The following AK5 variants were observed in gnomAD, a reference collection of about 807,000 sequenced individuals.
AK5 encodes adenylate kinase 5.
AK5 carries 27 observed loss-of-function variants against 69.5 expected under a neutral mutation model. The ratio of observed to expected loss-of-function variants is 0.39; its 90% CI spans 0.29 to 0.54. The LOEUF (loss-of-function observed/expected upper bound fraction) is 0.54. AK5 is among the 20% of genes least tolerant of loss of function. The pLI, the probability that AK5 is intolerant of heterozygous loss-of-function variation, is 0.71. For missense variants in AK5, 531 were observed against 700.4 expected (o/e 0.76, Z 2.73); for synonymous variants, 260 against 244.4 (o/e 1.06, Z -0.60).
At position 77,283,018 on chromosome 1, in the gene AK5, T is replaced by A. The variant is rs185400025; in HGVS notation, c.60+645T>A. 2.2e-4 allele frequency: 213 copies of A among 985,610 alleles called. No homozygotes were observed. In the African/African-American group the frequency reaches 3.2e-3, roughly 15 times the overall value. 61.1% of individuals were successfully genotyped at this position (985,610 alleles called of 1,614,324 possible). On this transcript the variant is annotated intron_variant, in intron 1 of 13. Coordinates refer to ENST00000354567, the MANE Select transcript of AK5 (RefSeq NM_174858.3). ...AGGGTTGGGCCGCAGGTTTCGCCAG[T>A]GCTCGACAACCCACCTGGAGATAGC...
intron 6 of AK5, among the ~76,000 whole-genome samples, chr1:77,375,349 A>G (rs1456105565): frequency 6.6e-6 from 1 of 152,224 alleles, no homozygotes; most frequent in African/African-American, 2.4e-5. Flanking sequence ...TTTGAGTTCT[A>G]TCAGAAAGAG....
chr1:77,318,204 A>G (rs1660341745), intron 5 of AK5, among the ~76,000 whole-genome samples: 2 of 152,144 alleles, frequency 1.3e-5, no homozygotes, highest in Admixed American at 1.3e-4. Flanking sequence ...GGTGTCAATC[A>G]TGGCGGAATC....
chr1:77,506,819 C>T (rs1360669107), intron 10 of AK5, among the ~76,000 whole-genome samples: 3 of 151,982 alleles, frequency 2.0e-5, no homozygotes, highest in Admixed American at 1.3e-4. Context: ...GCCAAGATGG[C>T]GAAACCCCAT....
rs144076969 is a variant in AK5, at chr1:77,370,758, C to T, written c.891+30190C>T. On this transcript the variant is annotated intron_variant, in intron 6 of 13. Coordinates refer to ENST00000354567, the MANE Select transcript of AK5 (RefSeq NM_174858.3). The stretch of plus-strand genomic sequence containing the variant: ...TGAGTGCCAGACTCCAACCCCAGCC[C>T]AGTCCAGCTGGGCAAACCTGCCAAG... Among the ~76,000 whole-genome samples the T allele has an allele frequency of 7.9e-5, 12 of 152,226 alleles. 1 individual carries two copies. In the East Asian group the frequency reaches 2.3e-3, roughly 30 times the overall value.
chr1:77,532,260 G>A (rs908320845), intron 12 of AK5: 1 of 155,312 alleles, frequency 6.4e-6, no homozygotes. Flanking sequence ...CGGGGGCTGT[G>A]AGGGCTGCCA....
At chr1:77,282,833 C>T in intron 1 of AK5, 1 of 989,122 alleles carries the variant, frequency 1.0e-6, no homozygotes, top group Non-Finnish European at 1.2e-6. Context: ...GAAATGTGGA[C>T]GAAGGCAGCC....
intron 8 of AK5, among the ~76,000 whole-genome samples, chr1:77,463,530 A>G (rs1478645321): frequency 6.6e-6 from 1 of 151,250 alleles, no homozygotes; most frequent in East Asian, 1.9e-4. Context: ...GTCTTGGTTA[A>G]GATTCTTTAG....
At chr1:77,500,857 C>T (rs1656675419) in intron 10 of AK5, among the ~76,000 whole-genome samples, 2 of 131,304 alleles carry the variant, frequency 1.5e-5, no homozygotes, top group Non-Finnish European at 3.2e-5. Flanking sequence ...CAGTGAAGTT[C>T]GTTTTTTGTT....
At chr1:77,349,745 G>A (rs565762241) in intron 6 of AK5, among the ~76,000 whole-genome samples, 2 of 152,244 alleles carry the variant, frequency 1.3e-5, no homozygotes, top group African/African-American at 4.8e-5. Context: ...TACTACAAAT[G>A]GCCAATTGTT....
At chr1:77,322,116 G>T (rs1419484976) in intron 5 of AK5, among the ~76,000 whole-genome samples, 2 of 152,104 alleles carry the variant, frequency 1.3e-5, no homozygotes, top group Admixed American at 1.3e-4. Flanking sequence ...AGCATTGTTT[G>T]AATACATAGT....
chr1:77,490,282 A>C (rs1354308252), intron 10 of AK5, among the ~76,000 whole-genome samples: 1 of 152,184 alleles, frequency 6.6e-6, no homozygotes, highest in Non-Finnish European at 1.5e-5. Context: ...GAGAGCAAGC[A>C]AAAGCAACTT....
At chr1:77,293,756 G>A (rs1334034023) in intron 2 of AK5, 37 bp from the exon 3 acceptor site, 1 of 1,548,072 alleles carries the variant, frequency 6.5e-7, no homozygotes, top group South Asian at 1.2e-5. Flanking sequence ...TTATTATGGT[G>A]TTTTTTCCTT....
intron 10 of AK5, among the ~76,000 whole-genome samples, chr1:77,507,073 A>G (rs1433731134): frequency 6.6e-6 from 1 of 152,204 alleles, no homozygotes; most frequent in African/African-American, 2.4e-5. Flanking sequence ...AAAATACAAG[A>G]GCCATAGTTA....
At chr1:77,291,778 T>C (rs573817757) in intron 2 of AK5, among the ~76,000 whole-genome samples, 43 of 152,230 alleles carry the variant, frequency 2.8e-4, no homozygotes, top group African/African-American at 1.0e-3. Flanking sequence ...TATAATCCAA[T>C]AGGAGAAGAC....
chr1:77,282,505 C>G lies in AK5; in HGVS notation c.60+132C>G, dbSNP rs1352481542. The G allele has an allele frequency of 7.9e-6, 11 of 1,384,240 alleles. No homozygotes were observed. In the African/African-American group the frequency reaches 1.2e-4, roughly 15 times the overall value. The allele number at this position is 1,384,240 out of a possible 1,614,324, so 85.7% of individuals were successfully genotyped here. A position where few individuals can be genotyped will look rare whatever the true frequency, so the allele number is the denominator to read the frequency against. On this transcript the variant is annotated intron_variant, in intron 1 of 13. Transcript: ENST00000354567. ...ATGAAGGGGCTTGTAGAAGCGCACT[C>G]GCCCGCTCCCCCGAGGGTAGTCGCC... is the stretch of plus-strand genomic sequence containing the variant.
intron 6 of AK5, among the ~76,000 whole-genome samples, chr1:77,382,795 CT>C (rs1203756774): frequency 2.0e-5 from 3 of 152,172 alleles, no homozygotes; most frequent in Non-Finnish European, 4.4e-5. Context: ...TCTAACAGAT[CT>C]TCTAGCCTTC....
At chr1:77,348,524 G>A (rs944129217) in intron 6 of AK5, among the ~76,000 whole-genome samples, 1 of 152,030 alleles carries the variant, frequency 6.6e-6, no homozygotes, top group Non-Finnish European at 1.5e-5. Flanking sequence ...AAAAAATTCT[G>A]ATTCCAAGAA....
rs79119157 is a variant in AK5, at chr1:77,385,940, G to A, written c.892-25041G>A. On this transcript the variant is annotated intron_variant, in intron 6 of 13. Transcript: ENST00000354567. The stretch of plus-strand genomic sequence containing the variant: ...GTTTATAATGGCAATAACTTCCAGC[G>A]GAAACAGCTAAAATAAAAATAAGTT... Among the ~76,000 whole-genome samples, 816 of 152,210 alleles carry A rather than the reference G, an allele frequency of 5.4e-3. 7 individuals carry two copies. Among genetic ancestry groups the A allele is most frequent in the African/African-American group, 0.018 (747 of 41,526 alleles).
intron 5 of AK5, among the ~76,000 whole-genome samples, chr1:77,321,669 A>C (rs1218526359): frequency 6.6e-6 from 1 of 152,222 alleles, no homozygotes; most frequent in African/African-American, 2.4e-5. Flanking sequence ...TAAAATGTTG[A>C]GTGCTGCCCC....
Sources: gnomAD v4.1 joint callset for allele counts (sites outside exome capture counted in the v4.1 genomes callset) on GRCh38, gnomAD v4.1.1 for gene constraint, MANE v1.5 for transcripts, NCBI Gene and HGNC (gene_info 2026-07-23, HGNC 2026-07-21) for gene names.